The following PARVB variants were observed in gnomAD, a reference collection of about 807,000 sequenced individuals.
PARVB encodes the protein parvin beta, also known as beta-parvin.
A neutral mutation model predicts 47.0 loss-of-function variants in PARVB; 46 were observed. The ratio of observed to expected loss-of-function variants is 0.98; its 90% CI spans 0.77 to 1.25. The LOEUF (loss-of-function observed/expected upper bound fraction) is 1.25, where lower values mean the gene tolerates loss of function less well. Among genes scored for constraint, PARVB ranks in the 50% most tolerant of loss-of-function variants. The probability of loss-of-function intolerance (pLI) is 0.00; values close to 1 mark genes in which losing one functional copy is unlikely to be tolerated. For synonymous variants in PARVB, 196 were observed against 196.3 expected, an observed-to-expected ratio of 1.00 and a Z score of 0.01; for missense variants, 473 against 471.6, an observed-to-expected ratio of 1.00 and a Z score of -0.03.
chr22:44,096,318 G>C (rs943246754), intron 2 of PARVB, among the ~76,000 whole-genome samples: 13 of 152,166 alleles, frequency 8.5e-5, no homozygotes, highest in Non-Finnish European at 1.9e-4. Flanking sequence ...GATTGCCTGA[G>C]TCTGAAGAAG....
chr22:44,013,393 T>C (rs2050543843), intron 2 of PARVB, among the ~76,000 whole-genome samples: 1 of 152,216 alleles, frequency 6.6e-6, no homozygotes, highest in Non-Finnish European at 1.5e-5. Flanking sequence ...CTGTTGACTT[T>C]TCACGTTTGT....
At chr22:44,077,031 CG>C (rs1249212114) in intron 1 of PARVB, among the ~76,000 whole-genome samples, 2 of 152,250 alleles carry the variant, frequency 1.3e-5, no homozygotes, top group Non-Finnish European at 2.9e-5. Flanking sequence ...TGTGCCTGCC[CG>C]GGGCCAAGCA....
intron 1 of PARVB, among the ~76,000 whole-genome samples, chr22:44,061,325 G>A (rs1342027381): frequency 6.6e-6 from 1 of 152,072 alleles, no homozygotes; most frequent in Non-Finnish European, 1.5e-5. Flanking sequence ...CACCTATTCA[G>A]GAGGCTGAGG....
chr22:44,133,198 A>C (rs1912862186), intron 6 of PARVB, among the ~76,000 whole-genome samples, 189 bp downstream of exon 6: 1 of 151,748 alleles, frequency 6.6e-6, no homozygotes, highest in Admixed American at 6.6e-5. Flanking sequence ...AATGGCATTG[A>C]TTTGATGAGA....
At chr22:44,159,377 G>A (rs1253700653) in intron 11 of PARVB, among the ~76,000 whole-genome samples, 1 of 152,190 alleles carries the variant, frequency 6.6e-6, no homozygotes, top group Non-Finnish European at 1.5e-5. Context: ...CATCTCCTGG[G>A]CCCTGGCCTT....
chr22:44,138,440 G>A (rs114826700), intron 7 of PARVB, among the ~76,000 whole-genome samples: 2,069 of 152,278 alleles, frequency 0.014, 51 homozygotes, highest in African/African-American at 0.048. Flanking sequence ...TCAGGGTAAA[G>A]GAGAGGCTGG....
chr22:44,053,693 A>G (rs1043719482), intron 1 of PARVB, among the ~76,000 whole-genome samples: 11 of 152,050 alleles, frequency 7.2e-5, no homozygotes, highest in African/African-American at 2.7e-4. Flanking sequence ...GTCTCCCAAG[A>G]CTCTGAACAG....
Position 44,154,438 on chromosome 22 carries a change from T to C in PARVB, c.843+2887T>C, listed in dbSNP as rs187229384. Reference sequence around the variant, plus strand: ...CTGGTTTAATTTCTTCAATTTCTATTTGTGTGTGGGTGAGTGTGGTTTATG... The same window carrying C: ...CTGGTTTAATTTCTTCAATTTCTATCTGTGTGTGGGTGAGTGTGGTTTATG... On this transcript the variant is annotated intron_variant, in intron 10 of 12. Transcript: ENST00000338758. Among the ~76,000 whole-genome samples the C allele has an allele frequency of 1.9e-3, 291 of 152,188 alleles. 3 individuals carry two copies. Among genetic ancestry groups the C allele is most frequent in the African/African-American group, 6.8e-3 (282 of 41,510 alleles).
chr22:44,135,078 AG>A (rs2053413792), intron 6 of PARVB, among the ~76,000 whole-genome samples: 1 of 152,200 alleles, frequency 6.6e-6, no homozygotes. Flanking sequence ...AACTCAGGAA[AG>A]GGATGGAAGC....
At chr22:44,116,038 C>T (rs112067135) in intron 3 of PARVB, 4,038 of 152,528 alleles carry the variant, frequency 0.026, 57 homozygotes, top group Admixed American at 0.043. Context: ...CAGATATCCT[C>T]AGTGTCACCT....
intron 2 of PARVB, among the ~76,000 whole-genome samples, chr22:43,999,833 T>TAAA (rs2050393621): frequency 2.2e-5 from 1 of 45,602 alleles, no homozygotes; most frequent in African/African-American, 1.5e-4. Context: ...CCCATCTATA[T>TAAA]GAAAAAAAAA....
At position 44,089,913 on chromosome 22, in the gene PARVB, C is replaced by T. The variant is rs953094017; in HGVS notation, c.113-4015C>T. On this transcript the variant is annotated intron_variant, in intron 1 of 12. Transcript: ENST00000338758. This position sits in a 1 kb window ranked among gnomAD's most constrained non-coding sequence, Gnocchi z 4.0. ...TATTTCAAGGCCAGTTCAATTGCTGCCTCCTCCAGGAAGCCCTCCATGCTT... is the reference window on the plus strand; with the variant it reads ...TATTTCAAGGCCAGTTCAATTGCTGTCTCCTCCAGGAAGCCCTCCATGCTT... Among the ~76,000 whole-genome samples the T allele has an allele frequency of 1.7e-4, 26 of 152,188 alleles. No individual in the cohort carries two copies. Among genetic ancestry groups the T allele is most frequent in the Admixed American group, 5.2e-4 (8 of 15,288 alleles).
chr22:44,051,907 C>T (rs2051215488), intron 1 of PARVB, among the ~76,000 whole-genome samples: 1 of 151,930 alleles, frequency 6.6e-6, no homozygotes, highest in Non-Finnish European at 1.5e-5. Context: ...AGAGGCTGGA[C>T]AGAGATTGGA....
chr22:44,044,970 G>A (rs769183422), intron 1 of PARVB, among the ~76,000 whole-genome samples: 3 of 152,116 alleles, frequency 2.0e-5, no homozygotes, highest in Non-Finnish European at 2.9e-5. Flanking sequence ...TTAAAGAAAC[G>A]TGCTGTCCAG....
chr22:44,010,395 T>A (rs766651891), intron 2 of PARVB: 3 of 152,246 alleles, frequency 2.0e-5, no homozygotes, highest in African/African-American at 7.2e-5. Flanking sequence ...CACTGTCCTA[T>A]AATTTGTGTA....
rs183656179 is a variant in PARVB at position 44,013,499 on chromosome 22, G to A, written c.211+13826G>A. On this transcript the variant is annotated intron_variant, in intron 2 of 13. Transcript: ENST00000406477. ...GGAGATCCTCAGTGCCCCTCACCAC[G>A]CCGGCGAAGCCACTATCAACACAGA... Among the ~76,000 whole-genome samples the A allele has an allele frequency of 2.6e-3, 390 of 152,280 alleles. 4 individuals carry two copies. Among genetic ancestry groups the A allele is most frequent in the African/African-American group, 9.1e-3 (379 of 41,542 alleles).
In PARVB at chr22:44,122,550, GAGAC is replaced by G. The variant is rs1569134506; in HGVS notation, c.376+3412_376+3415del. 2.6e-3 allele frequency among the ~76,000 whole-genome samples: 238 copies of G among 90,394 alleles called. 10 individuals are homozygous for G. Among genetic ancestry groups the G allele is most frequent in the African/African-American group, 8.8e-3 (184 of 20,970 alleles). 59.3% of individuals were successfully genotyped at this position (90,394 alleles called of 152,430 possible). Reference sequence around the variant, plus strand: ...AGACAGAGAGAGAGAGAGAGAGAGAGAGACACAGAGACAGAGAGAGAGAGAGAGA... The same window carrying G: ...AGACAGAGAGAGAGAGAGAGAGAGAGACAGAGACAGAGAGAGAGAGAGAGA... On this transcript the variant is annotated intron_variant, in intron 4 of 12. Coordinates refer to ENST00000338758, the MANE Select transcript of PARVB (RefSeq NM_013327.5).
intron 1 of PARVB, among the ~76,000 whole-genome samples, chr22:44,054,034 T>C (rs1569078836): frequency 6.6e-6 from 1 of 152,156 alleles, no homozygotes; most frequent in Non-Finnish European, 1.5e-5. Flanking sequence ...AAGGGTGTGA[T>C]CTAACACTAA....
At chr22:44,147,728 G>A (rs1308248437) in intron 8 of PARVB, 133 bp from the exon 9 acceptor site, 1 of 797,700 alleles carries the variant, frequency 1.3e-6, no homozygotes, top group East Asian at 2.4e-5. Flanking sequence ...GGTAGGAATT[G>A]GAAGGATTCT....
Sources: allele counts gnomAD v4.1 joint callset (sites outside exome capture counted in the v4.1 genomes callset), GRCh38; gene constraint gnomAD v4.1.1; non-coding constraint Gnocchi (gnomAD v3.1); transcripts MANE v1.5; gene names NCBI Gene and HGNC (gene_info 2026-07-23, HGNC 2026-07-21).